ACADL: variants seen among roughly 807,000 people sequenced by gnomAD.
ACADL encodes long-chain specific acyl-CoA dehydrogenase, mitochondrial.
In ACADL, 60 loss-of-function variants were observed where a neutral mutation model predicts 56.9. That is an observed-to-expected ratio of 1.05 (90% CI 0.86 to 1.31). The LOEUF (loss-of-function observed/expected upper bound fraction) is 1.31, where lower values mean the gene tolerates loss of function less well. Ranked by LOEUF, ACADL falls within the 50% of genes most tolerant of loss-of-function variation. The probability of loss-of-function intolerance (pLI) is 0.00; values close to 1 mark genes in which losing one functional copy is unlikely to be tolerated. For missense variants in ACADL, 484 were observed against 525.5 expected (o/e 0.92, Z 0.77); for synonymous variants, 158 against 179.7 (o/e 0.88, Z 0.97).
intron 3 of ACADL, 143 bp downstream of exon 3, chr2:210,217,822 A>T (rs915783299): frequency 4.5e-6 from 5 of 1,122,316 alleles, no homozygotes; most frequent in African/African-American, 1.5e-5. Context: ...CATGAGCGGT[A>T]TAATCTTTTA....
At chr2:210,222,508 C>G (rs201280994) in intron 1 of ACADL, among the ~76,000 whole-genome samples, 1 of 81,374 alleles carries the variant, frequency 1.2e-5, no homozygotes, top group East Asian at 2.9e-4. Context: ...AACAAACAAA[C>G]AAAAAAAAAA....
At position 210,205,671 on chromosome 2, in the gene ACADL, G is replaced by C. The variant is rs2125712853; in HGVS notation, c.729C>G (p.Ile243Met). The change falls in exon 6 of 11, where the codon ATC (isoleucine) becomes ATG (methionine). Residue 243 changes from isoleucine (I) to methionine (M), a missense_variant. Physicochemically the swap from Ile to Met is conservative, Grantham distance 10. Coordinates refer to ENST00000233710, the MANE Select transcript of ACADL (RefSeq NM_001608.4). ...CCATTTTATGTAGCTTTCGTCCCTT[G>C]ATAAATCCTTTCATTCCATTTTCCA... Reference protein sequence around the residue: ...FLVENGMKGFIKGRKLHKMGL... With the variant: ...FLVENGMKGFMKGRKLHKMGL... 3 of 1,613,870 alleles carry C rather than the reference G, an allele frequency of 1.9e-6. No homozygotes were observed. The highest frequency in any genetic ancestry group is 1.1e-5 in the South Asian group (1 of 91,078).
chr2:210,224,837 C>T (rs1689240831), intron 1 of ACADL: 16 of 1,030,290 alleles, frequency 1.6e-5, no homozygotes, highest in Non-Finnish European at 1.9e-5. Context: ...GTGACCACCT[C>T]CTCCCAAAAC....
chr2:210,188,700 C>T lies in ACADL; in HGVS notation c.*261G>A. On this transcript the variant is annotated 3_prime_UTR_variant, in exon 11 of 11. Coordinates refer to ENST00000233710, the MANE Select transcript of ACADL (RefSeq NM_001608.4). ...TAGAATTTTAGAGATAAATGAAACA[C>T]CTAGGCAAGATTCAGAAAACCGTTT... 2.8e-6 allele frequency: 1 copy of T among 359,196 alleles called. No individual in the cohort carries two copies. The highest frequency in any genetic ancestry group is 5.1e-6 in the Non-Finnish European group (1 of 195,064). The allele number at this position is 359,196 out of a possible 1,614,324, so 22.3% of individuals were successfully genotyped here.
chr2:210,224,874 C>A (rs1279989773), intron 1 of ACADL: 43 of 1,127,604 alleles, frequency 3.8e-5, no homozygotes, highest in Non-Finnish European at 4.7e-5. Flanking sequence ...CACTGCAGGC[C>A]GCTGAACTAG....
In ACADL at chr2:210,188,987, C is replaced by T; in HGVS notation, c.1267G>A (p.Ala423Thr). ...TACTTGTCAAAGACAATCTCTCTTGCAATCAGCTCCTTCATTATTTCATTT... is the reference window on the plus strand; with the variant it reads ...TACTTGTCAAAGACAATCTCTCTTGTAATCAGCTCCTTCATTATTTCATTT... Reference protein sequence around the residue: ...GTNEIMKELIAREIVFDK With the variant: ...GTNEIMKELITREIVFDK Residue 423 changes from alanine (A) to threonine (T), a missense_variant, in exon 11 of 11, where the codon GCA becomes ACA. Coordinates refer to ENST00000233710, the MANE Select transcript of ACADL (RefSeq NM_001608.4). The T allele has an allele frequency of 6.2e-7, 1 of 1,613,282 alleles. No homozygotes were observed. The highest frequency in any genetic ancestry group is 1.1e-5 in the South Asian group (1 of 91,064).
At chr2:210,190,697 TAAAG>T (rs1688616821) in intron 10 of ACADL, among the ~76,000 whole-genome samples, 1 of 151,972 alleles carries the variant, frequency 6.6e-6, no homozygotes, top group Admixed American at 6.6e-5. Context: ...GACCAGTTAT[TAAAG>T]AAGACAAAAA....
intron 8 of ACADL, 135 bp from the exon 9 acceptor site, chr2:210,195,473 A>T: frequency 1.0e-6 from 1 of 954,578 alleles, no homozygotes; most frequent in South Asian, 1.5e-5. Flanking sequence ...TTTTTCCTCC[A>T]TAAAAATGGC....
intron 5 of ACADL, among the ~76,000 whole-genome samples, chr2:210,206,680 T>C (rs905619446): frequency 1.3e-5 from 2 of 152,180 alleles, no homozygotes; most frequent in African/African-American, 4.8e-5. Context: ...AGAGCAAATA[T>C]TAATAATTAT....
At chr2:210,193,369 C>A (rs1404037106) in intron 9 of ACADL, among the ~76,000 whole-genome samples, 2 of 152,044 alleles carry the variant, frequency 1.3e-5, no homozygotes, top group African/African-American at 4.8e-5. Context: ...AGGGTTCTGA[C>A]TTTTCAGAAA....
At chr2:210,193,257 C>G (rs1309024679) in intron 9 of ACADL, among the ~76,000 whole-genome samples, 1 of 152,096 alleles carries the variant, frequency 6.6e-6, no homozygotes, top group Non-Finnish European at 1.5e-5. Flanking sequence ...TACTCAGCCA[C>G]CTAGTTCTTT....
chr2:210,208,442 T>G (rs780432611), intron 5 of ACADL, among the ~76,000 whole-genome samples: 1 of 152,212 alleles, frequency 6.6e-6, no homozygotes, highest in Non-Finnish European at 1.5e-5. Context: ...ATGAGAATTT[T>G]CCTTGCAAGT....
intron 8 of ACADL, among the ~76,000 whole-genome samples, chr2:210,200,024 T>G (rs1688768804): frequency 6.6e-6 from 1 of 152,084 alleles, no homozygotes; most frequent in South Asian, 2.1e-4. Flanking sequence ...GGATTACAGG[T>G]GTGAGCCACT....
intron 5 of ACADL, among the ~76,000 whole-genome samples, chr2:210,206,451 TAAAAG>T (rs1352102639): frequency 6.6e-6 from 1 of 151,634 alleles, no homozygotes; most frequent in Non-Finnish European, 1.5e-5. Context: ...GAAAAGAAAA[TAAAAG>T]AAAAATAAAA....
intron 2 of ACADL, among the ~76,000 whole-genome samples, chr2:210,219,256 A>G (rs1002532252): frequency 6.6e-6 from 1 of 152,246 alleles, no homozygotes; most frequent in South Asian, 2.1e-4. Context: ...TGAGAAATAA[A>G]CAAGAGATCC....
intron 7 of ACADL, among the ~76,000 whole-genome samples, chr2:210,203,958 C>T (rs918446405): frequency 4.6e-5 from 7 of 152,188 alleles, no homozygotes; most frequent in African/African-American, 1.7e-4. Context: ...CTGTATGACT[C>T]AATATATCTG....
intron 2 of ACADL, 96 bp downstream of exon 2, chr2:210,220,551 A>T (rs1689158128): frequency 8.8e-7 from 1 of 1,138,948 alleles, no homozygotes; most frequent in African/African-American, 1.5e-5. Flanking sequence ...AGCCCTGAAC[A>T]TACTATGTTT....
chr2:210,216,732 TTTAA>T (rs1279998569), intron 3 of ACADL: 2 of 495,942 alleles, frequency 4.0e-6, no homozygotes, highest in East Asian at 3.8e-5. Flanking sequence ...TGAACACTTA[TTTAA>T]TTGAGAGATA....
chr2:210,196,022 T>C lies in ACADL; in HGVS notation c.985-684A>G, dbSNP rs180989780. 3.3e-5 allele frequency among the ~76,000 whole-genome samples: 5 copies of C among 152,180 alleles called. No individual in the cohort carries two copies. In the East Asian group the frequency reaches 9.7e-4, roughly 29 times the overall value. ...TTATCTTGAATTGTAGCTCCCATAATCCCCACATGTTGTGGGAGGGACGTG... is the reference window on the plus strand; with the variant it reads ...TTATCTTGAATTGTAGCTCCCATAACCCCCACATGTTGTGGGAGGGACGTG... On this transcript the variant is annotated intron_variant, in intron 8 of 10. Transcript: ENST00000233710.
Sources: gnomAD v4.1 joint callset for allele counts (sites outside exome capture counted in the v4.1 genomes callset) on GRCh38, gnomAD v4.1.1 for gene constraint, MANE v1.5 for transcripts, NCBI Gene and HGNC (gene_info 2026-07-23, HGNC 2026-07-21) for gene names.